LARS2: variants seen among roughly 807,000 people sequenced by gnomAD.
LARS2 encodes leucyl-tRNA synthetase 2, mitochondrial.
In LARS2, 81 loss-of-function variants were observed where a neutral mutation model predicts 116.6. That is an observed-to-expected ratio of 0.69 (90% confidence interval 0.58 to 0.84). The LOEUF (loss-of-function observed/expected upper bound fraction) is 0.84, where lower values mean the gene tolerates loss of function less well. Ranked by LOEUF, LARS2 falls within the 40% of genes least tolerant of loss-of-function variation. LARS2 has a pLI of 0.00. For synonymous variants in LARS2, 396 were observed against 407.2 expected (o/e 0.97, Z 0.33); for missense variants, 968 against 1,114.5 (o/e 0.87, Z 1.87).
At position 45,518,171 on chromosome 3, in the gene LARS2, C is replaced by G. The variant is rs543886928; in HGVS notation, c.2214+99C>G. ...GCTGCCCTCCCTGCCTTGGGTTGGGCCACTGTGGGTCTTCCTTCCTGGCAA... is the reference window on the plus strand; with the variant it reads ...GCTGCCCTCCCTGCCTTGGGTTGGGGCACTGTGGGTCTTCCTTCCTGGCAA... On this transcript the variant is annotated intron_variant, in intron 18 of 21. Coordinates refer to ENST00000645846, the MANE Select transcript of LARS2 (RefSeq NM_015340.4). 5.0e-5 allele frequency: 42 copies of G among 847,622 alleles called. No individual in the cohort carries two copies. In the South Asian group the frequency reaches 7.3e-4, roughly 15 times the overall value. 52.5% of individuals were successfully genotyped at this position (847,622 alleles called of 1,614,324 possible).
intron 20 of LARS2, chr3:45,541,581 A>T (rs1407967820): frequency 2.1e-6 from 1 of 467,112 alleles, no homozygotes; most frequent in Non-Finnish European, 3.8e-6. Context: ...CCAAATGCAC[A>T]CTTTAGAATG....
intron 20 of LARS2, among the ~76,000 whole-genome samples, chr3:45,537,395 T>C (rs1276146847): frequency 1.3e-5 from 2 of 152,240 alleles, no homozygotes; most frequent in Non-Finnish European, 2.9e-5. Flanking sequence ...GAAATGTAGC[T>C]ATTGTGTTTT....
chr3:45,449,984 A>G (rs530040512), intron 7 of LARS2, among the ~76,000 whole-genome samples: 2 of 152,334 alleles, frequency 1.3e-5, no homozygotes, highest in African/African-American at 4.8e-5. Flanking sequence ...TTCAGCTGCA[A>G]ATATGAACAT....
chr3:45,415,893 GGAGAGAGAGAGAGAGAGAGA>G (rs71095034), intron 4 of LARS2, among the ~76,000 whole-genome samples: 1 of 69,826 alleles, frequency 1.4e-5, no homozygotes, highest in East Asian at 3.6e-4. Context: ...AGAGAGAGAG[GGAGAGAGAGAGAGAGAGAGA>G]GAGAGAGAGA....
At chr3:45,460,982 A>G (rs908798054) in intron 8 of LARS2, among the ~76,000 whole-genome samples, 2 of 152,224 alleles carry the variant, frequency 1.3e-5, no homozygotes, top group African/African-American at 2.4e-5. Flanking sequence ...GCAATGTCCA[A>G]CATATAATTA....
chr3:45,446,283 G>GA (rs907768015), intron 6 of LARS2, among the ~76,000 whole-genome samples: 18 of 152,262 alleles, frequency 1.2e-4, no homozygotes, highest in East Asian at 7.7e-4. Context: ...TAAATTTGGG[G>GA]AACCTTTGAT....
At position 45,496,357 on chromosome 3, in the gene LARS2, C is replaced by T. The variant is rs756751096; in HGVS notation, c.1606C>T (p.Pro536Ser). ...SAWYYFRYTDPHNPHSPFNTA... is the reference protein window; with the variant it reads ...SAWYYFRYTDSHNPHSPFNTA... ...TTGGTACTACTTCAGATACACTGACCCTCATAATCCACACAGGTAAAACGT... is the reference window on the plus strand; with the variant it reads ...TTGGTACTACTTCAGATACACTGACTCTCATAATCCACACAGGTAAAACGT... The change falls in exon 14 of 22, where the codon CCT (proline) becomes TCT (serine). Residue 536 changes from proline to serine, a missense_variant. Physicochemically the swap from Pro to Ser is moderately conservative, Grantham distance 74. Coordinates refer to ENST00000645846, the MANE Select transcript of LARS2 (RefSeq NM_015340.4). The T allele has an allele frequency of 6.2e-7, 1 of 1,612,836 alleles. No individual in the cohort carries two copies. Among genetic ancestry groups the T allele is most frequent in the Non-Finnish European group, 8.5e-7 (1 of 1,179,042 alleles).
chr3:45,479,090 A>G (rs1172929578), intron 10 of LARS2, among the ~76,000 whole-genome samples: 1 of 152,080 alleles, frequency 6.6e-6, no homozygotes. Flanking sequence ...TATCACTTGC[A>G]GGAGTTTCAA....
Position 45,496,387 on chromosome 3 carries a change from G to C in LARS2, c.1622+14G>C. 6.3e-7 allele frequency: 1 copy of C among 1,585,710 alleles called. No individual in the cohort carries two copies. The highest frequency in any genetic ancestry group is 1.1e-5 in the South Asian group (1 of 90,462). ...TAATCCACACAGGTAAAACGTCCCT[G>C]CTGATGTCTTTGAGCATTTGTCAGT... On this transcript the variant is annotated intron_variant, in intron 14 of 21. Coordinates refer to ENST00000645846, the MANE Select transcript of LARS2 (RefSeq NM_015340.4).
intron 4 of LARS2, among the ~76,000 whole-genome samples, chr3:45,410,735 GA>G (rs1698318386): frequency 6.6e-6 from 1 of 152,218 alleles, no homozygotes; most frequent in African/African-American, 2.4e-5. Flanking sequence ...TGACCAAGGA[GA>G]AAAGAGAGCC....
At chr3:45,411,649 G>T (rs1272118221) in intron 4 of LARS2, among the ~76,000 whole-genome samples, 1 of 152,008 alleles carries the variant, frequency 6.6e-6, no homozygotes, top group Non-Finnish European at 1.5e-5. Flanking sequence ...ATAAAATAAT[G>T]TATATAATCA....
At chr3:45,544,139 C>T (rs983175482) in intron 21 of LARS2, among the ~76,000 whole-genome samples, 1 of 152,180 alleles carries the variant, frequency 6.6e-6, no homozygotes. Context: ...AGGCTGCAAG[C>T]GCAGTTCGAT....
chr3:45,399,107 AC>A (rs1698099213), intron 3 of LARS2, among the ~76,000 whole-genome samples: 1 of 152,130 alleles, frequency 6.6e-6, no homozygotes, highest in African/African-American at 2.4e-5. Context: ...GAGTTATATA[AC>A]CCTGGTCTGA....
chr3:45,513,559 G>A (rs912791033), intron 16 of LARS2, among the ~76,000 whole-genome samples: 2 of 152,206 alleles, frequency 1.3e-5, no homozygotes, highest in Admixed American at 1.3e-4. Flanking sequence ...CCACCTCAGG[G>A]ATAGAGCCCC....
intron 9 of LARS2, among the ~76,000 whole-genome samples, 167 bp downstream of exon 9, chr3:45,474,517 A>T (rs903147750): frequency 2.6e-5 from 4 of 152,238 alleles, no homozygotes; most frequent in African/African-American, 9.6e-5. Flanking sequence ...AGAACAGGTG[A>T]AATGAATTTC....
intron 8 of LARS2, among the ~76,000 whole-genome samples, chr3:45,465,538 A>G (rs929756085): frequency 6.6e-6 from 1 of 152,204 alleles, no homozygotes; most frequent in African/African-American, 2.4e-5. Flanking sequence ...GCAAGCAAAA[A>G]GCTGCCTGAA....
chr3:45,401,147 T>A (rs561610111), intron 4 of LARS2, among the ~76,000 whole-genome samples: 3 of 152,300 alleles, frequency 2.0e-5, no homozygotes, highest in Admixed American at 2.0e-4. Context: ...AAAAATAATT[T>A]TTTTAAGAAA....
At chr3:45,508,175 CAG>C (rs769674326) in intron 15 of LARS2, among the ~76,000 whole-genome samples, 12 of 152,056 alleles carry the variant, frequency 7.9e-5, no homozygotes, top group Non-Finnish European at 1.8e-4. Context: ...TTGGAATCAA[CAG>C]AAAGTGGTGG....
Position 45,475,605 on chromosome 3 carries a change from C to T in LARS2, c.859-863C>T, listed in dbSNP as rs567695501. 4.6e-5 allele frequency among the ~76,000 whole-genome samples: 7 copies of T among 152,322 alleles called. No homozygotes were observed. In the South Asian group the frequency reaches 1.0e-3, roughly 23 times the overall value. Reference sequence around the variant, plus strand: ...GCTACTGTGTGTGGAATATCTTCTACACTTTCTTCTTTGCCCAACATTTTA... The same window carrying T: ...GCTACTGTGTGTGGAATATCTTCTATACTTTCTTCTTTGCCCAACATTTTA... On this transcript the variant is annotated intron_variant, in intron 9 of 21. Transcript: ENST00000645846.
Sources: allele counts gnomAD v4.1 joint callset (sites outside exome capture counted in the v4.1 genomes callset), GRCh38; gene constraint gnomAD v4.1.1; transcripts MANE v1.5; gene names NCBI Gene and HGNC (gene_info 2026-07-23, HGNC 2026-07-21).